The following TYW1 variants were observed in gnomAD, a reference collection of about 807,000 sequenced individuals.
The protein encoded by TYW1 is tRNA-yW synthesizing protein 1 homolog, also known as S-adenosyl-L-methionine-dependent tRNA 4-demethylwyosine synthase TYW1.
Under a neutral mutation model 96.2 loss-of-function variants are expected in TYW1, and 46 were observed. The ratio of observed to expected loss-of-function variants is 0.48; its 90% CI spans 0.38 to 0.61. The LOEUF (loss-of-function observed/expected upper bound fraction) is 0.61, where lower values mean the gene tolerates loss of function less well. TYW1 is among the 20% of genes least tolerant of loss of function. The pLI is 0.00. For synonymous variants in TYW1, 274 were observed against 323.0 expected (o/e 0.85, Z 1.63); for missense variants, 684 against 909.6 (o/e 0.75, Z 3.19).
At chr7:67,036,773 A>G (rs1320327362) in intron 7 of TYW1, among the ~76,000 whole-genome samples, 6 of 152,252 alleles carry the variant, frequency 3.9e-5, no homozygotes, top group Non-Finnish European at 7.3e-5. Context: ...AAAGGAAGAC[A>G]TGAGAGACAA....
rs1364964917 is a variant in TYW1, at chr7:67,107,240, G to A, written c.1562+8522G>A. Among the ~76,000 whole-genome samples, 3 of 152,160 alleles carry A rather than the reference G, an allele frequency of 2.0e-5. No individual in the cohort carries two copies. In the East Asian group the frequency reaches 5.8e-4, roughly 29 times the overall value. Reference sequence around the variant, plus strand: ...CTGATTCTTTTAATAGAAGTTTCTTGCAATAGAAGTAAATACTGCCGCCTG... The same window carrying A: ...CTGATTCTTTTAATAGAAGTTTCTTACAATAGAAGTAAATACTGCCGCCTG... On this transcript the variant is annotated intron_variant, in intron 12 of 15. Coordinates refer to ENST00000359626, the MANE Select transcript of TYW1 (RefSeq NM_018264.4).
chr7:67,115,268 G>A (rs6970346), intron 12 of TYW1, among the ~76,000 whole-genome samples: 3 of 144,142 alleles, frequency 2.1e-5, no homozygotes, highest in African/African-American at 7.7e-5. Context: ...TTAAATAGAA[G>A]TCCAGTTAAG....
chr7:67,173,432 G>A (rs978704595), intron 13 of TYW1, among the ~76,000 whole-genome samples: 6 of 152,106 alleles, frequency 3.9e-5, no homozygotes, highest in African/African-American at 9.7e-5. Context: ...CTAAAGGCTC[G>A]ATTGACGATA....
intron 15 of TYW1, among the ~76,000 whole-genome samples, chr7:67,199,129 C>A (rs1007106894): frequency 6.6e-6 from 1 of 151,828 alleles, no homozygotes; most frequent in African/African-American, 2.4e-5. Context: ...CCCAGGAGGT[C>A]AAGGCTGCAG....
chr7:67,176,807 G>A (rs187144015), intron 13 of TYW1, among the ~76,000 whole-genome samples: 61 of 152,190 alleles, frequency 4.0e-4, no homozygotes, highest in African/African-American at 1.2e-3. Flanking sequence ...TGGCACCATC[G>A]ACATTTTAGA....
At chr7:67,139,645 A>G (rs1170022629) in intron 13 of TYW1, among the ~76,000 whole-genome samples, 2 of 151,536 alleles carry the variant, frequency 1.3e-5, no homozygotes, top group Non-Finnish European at 2.9e-5. Flanking sequence ...TGCCCTTTCT[A>G]TTTGCAGTTG....
intron 15 of TYW1, among the ~76,000 whole-genome samples, chr7:67,199,269 G>A: frequency 6.6e-6 from 1 of 152,090 alleles, no homozygotes; most frequent in Non-Finnish European, 1.5e-5. Context: ...TGGCTAGATT[G>A]AGGTTGTATG....
At chr7:67,233,494 TCAGGCTGTATC>T in intron 15 of TYW1, among the ~76,000 whole-genome samples, 1 of 134,514 alleles carries the variant, frequency 7.4e-6, no homozygotes, top group East Asian at 2.0e-4. Flanking sequence ...CTTTTTTAAG[TCAGGCTGTATC>T]TTATTGCACT....
At chr7:67,161,670 A>G (rs1181809851) in intron 13 of TYW1, among the ~76,000 whole-genome samples, 2 of 152,190 alleles carry the variant, frequency 1.3e-5, no homozygotes, top group African/African-American at 2.4e-5. Flanking sequence ...CCATGTGTCC[A>G]TTATATATAT....
intron 10 of TYW1, among the ~76,000 whole-genome samples, chr7:67,076,719 G>C (rs10280810): frequency 6.7e-6 from 1 of 150,206 alleles, no homozygotes; most frequent in African/African-American, 2.5e-5. Flanking sequence ...CAGGTGATCC[G>C]CCTCCCTTGG....
chr7:67,111,685 A>G (rs893702197), intron 12 of TYW1, among the ~76,000 whole-genome samples: 1 of 152,212 alleles, frequency 6.6e-6, no homozygotes, highest in African/African-American at 2.4e-5. Context: ...ATGATCAAGA[A>G]CTTCACAAAC....
At chr7:67,006,867 A>T (rs1254977438) in intron 3 of TYW1, among the ~76,000 whole-genome samples, 1 of 149,714 alleles carries the variant, frequency 6.7e-6, no homozygotes, top group Non-Finnish European at 1.5e-5. Context: ...CTTCTGGTGA[A>T]GCTTCAGGAA....
chr7:67,032,775 C>T (rs1384513687), intron 7 of TYW1, among the ~76,000 whole-genome samples: 4 of 151,998 alleles, frequency 2.6e-5, no homozygotes, highest in Non-Finnish European at 5.9e-5. Context: ...GACCATCTCC[C>T]TGGCAAGTCC....
intron 13 of TYW1, among the ~76,000 whole-genome samples, chr7:67,128,746 T>C (rs1797979105): frequency 1.3e-5 from 2 of 150,396 alleles, no homozygotes. Flanking sequence ...TGGAGTGCAG[T>C]GGCACGATCT....
chr7:67,051,732 GT>G (rs201852688), intron 8 of TYW1, among the ~76,000 whole-genome samples: 41,051 of 123,818 alleles, frequency 0.33, 5,513 homozygotes, highest in East Asian at 0.49. Context: ...TTGTTTTTTT[GT>G]TTTTTTTTTT....
At chr7:67,091,890 GATT>G (rs1388582966) in intron 11 of TYW1, among the ~76,000 whole-genome samples, 3 of 152,124 alleles carry the variant, frequency 2.0e-5, no homozygotes, top group African/African-American at 7.2e-5. Flanking sequence ...GGGGGAATAT[GATT>G]ATGATATTTT....
chr7:67,149,946 A>G (rs949690688), intron 13 of TYW1, among the ~76,000 whole-genome samples: 3 of 151,934 alleles, frequency 2.0e-5, no homozygotes, highest in African/African-American at 7.3e-5. Context: ...AAAGCTAACT[A>G]TTTAAAGATT....
chr7:67,020,431 G>C (rs914451495), intron 6 of TYW1, among the ~76,000 whole-genome samples: 10 of 79,314 alleles, frequency 1.3e-4, no homozygotes, highest in African/African-American at 4.1e-4. Flanking sequence ...GTAGATACCG[G>C]CTTTCACCAC....
intron 15 of TYW1, among the ~76,000 whole-genome samples, chr7:67,231,311 A>C (rs1359533024): frequency 2.0e-5 from 3 of 152,146 alleles, no homozygotes; most frequent in Non-Finnish European, 2.9e-5. Flanking sequence ...TCTGCAGGAC[A>C]CTTACTTACC....
Sources: allele counts gnomAD v4.1 joint callset (sites outside exome capture counted in the v4.1 genomes callset), GRCh38; gene constraint gnomAD v4.1.1; transcripts MANE v1.5; gene names NCBI Gene and HGNC (gene_info 2026-07-23, HGNC 2026-07-21).